Variants in GRIA4 observed in about 807,000 individuals in gnomAD.
GRIA4 encodes the protein glutamate receptor 4.
Under a neutral mutation model 104.0 loss-of-function variants are expected in GRIA4, and 34 were observed. The observed-to-expected ratio is 0.33, with a 90% CI of 0.25 to 0.44. The LOEUF (loss-of-function observed/expected upper bound fraction) is 0.44, where lower values mean the gene tolerates loss of function less well. GRIA4 is among the 20% of genes least tolerant of loss of function. The pLI, the probability that GRIA4 is intolerant of heterozygous loss-of-function variation, is 1.00. For synonymous variants in GRIA4, 386 were observed against 381.9 expected, an observed-to-expected ratio of 1.01 and a Z score of -0.13; for missense variants, 750 against 1,096.5, an observed-to-expected ratio of 0.68 and a Z score of 4.46.
At chr11:105,689,159 A>G (rs2135488867) in intron 3 of GRIA4, among the ~76,000 whole-genome samples, 1 of 152,332 alleles carries the variant, frequency 6.6e-6, no homozygotes, top group South Asian at 2.1e-4. Flanking sequence ...TAGTTTAGCA[A>G]TTATTCATGA....
intron 14 of GRIA4, among the ~76,000 whole-genome samples, chr11:105,938,943 G>A (rs529113103): frequency 6.6e-6 from 1 of 151,906 alleles, no homozygotes; most frequent in South Asian, 2.1e-4. Flanking sequence ...AACTTACCAG[G>A]GCCATTTTGA....
At chr11:105,891,648 C>T (rs561428991) in intron 6 of GRIA4, among the ~76,000 whole-genome samples, 31 of 152,274 alleles carry the variant, frequency 2.0e-4, no homozygotes, top group African/African-American at 6.3e-4. Context: ...GTTACAATTA[C>T]GTCTAGAAAG....
chr11:105,720,205 T>C (rs548945497), intron 3 of GRIA4, among the ~76,000 whole-genome samples: 1 of 152,092 alleles, frequency 6.6e-6, no homozygotes, highest in African/African-American at 2.4e-5. Context: ...TTTCATGTTT[T>C]TTTTCTGGCT....
At chr11:105,635,845 A>C (rs1317277401) in intron 3 of GRIA4, among the ~76,000 whole-genome samples, 1 of 152,216 alleles carries the variant, frequency 6.6e-6, no homozygotes, top group Non-Finnish European at 1.5e-5. Context: ...CATATATTTT[A>C]ACTGTTTTCT....
At chr11:105,824,606 A>T (rs1337364867) in intron 4 of GRIA4, 1 of 152,124 alleles carries the variant, frequency 6.6e-6, no homozygotes, top group Non-Finnish European at 1.5e-5. Context: ...CCTGGAGTTA[A>T]TAATTGCCTC....
intron 4 of GRIA4, among the ~76,000 whole-genome samples, chr11:105,812,977 T>A (rs1254021709): frequency 1.3e-5 from 2 of 150,898 alleles, no homozygotes; most frequent in Non-Finnish European, 2.9e-5. Context: ...GGTGGGCACC[T>A]GTAGTCCTCG....
intron 4 of GRIA4, among the ~76,000 whole-genome samples, chr11:105,776,840 G>T (rs1433436551): frequency 6.6e-6 from 1 of 152,150 alleles, no homozygotes; most frequent in Non-Finnish European, 1.5e-5. Flanking sequence ...GTAACATCAA[G>T]CACCACCAGT....
At chr11:105,864,216 T>C (rs1040455362) in intron 5 of GRIA4, among the ~76,000 whole-genome samples, 1 of 152,224 alleles carries the variant, frequency 6.6e-6, no homozygotes, top group Non-Finnish European at 1.5e-5. Context: ...GTTTTTATTC[T>C]GAACATGCTG....
chr11:105,656,904 C>A (rs1951861259), intron 3 of GRIA4, among the ~76,000 whole-genome samples: 1 of 151,910 alleles, frequency 6.6e-6, no homozygotes, highest in African/African-American at 2.4e-5. Context: ...AAAATATGTA[C>A]TTATTAATTC....
At chr11:105,803,527 T>A (rs1461374103) in intron 4 of GRIA4, among the ~76,000 whole-genome samples, 1 of 151,902 alleles carries the variant, frequency 6.6e-6, no homozygotes, top group Non-Finnish European at 1.5e-5. Flanking sequence ...GAAAATTACA[T>A]TACACTAAAA....
intron 3 of GRIA4, among the ~76,000 whole-genome samples, chr11:105,652,445 G>A (rs2135385811): frequency 6.6e-6 from 1 of 152,198 alleles, no homozygotes; most frequent in Middle Eastern, 3.4e-3. Flanking sequence ...AGTAAGATGA[G>A]GACACTCAAC....
chr11:105,662,027 A>C (rs200988541), intron 3 of GRIA4, among the ~76,000 whole-genome samples: 1 of 46,158 alleles, frequency 2.2e-5, no homozygotes, highest in Admixed American at 2.3e-4. Context: ...GTGTGTGTGC[A>C]CATCAAATGA....
At chr11:105,694,956 C>CA (rs747499685) in intron 3 of GRIA4, among the ~76,000 whole-genome samples, 1 of 152,178 alleles carries the variant, frequency 6.6e-6, no homozygotes, top group Middle Eastern at 3.4e-3. Flanking sequence ...TAATTGGTCA[C>CA]AAAAAATCTA....
chr11:105,925,776 T>C (rs1210548863), intron 12 of GRIA4, among the ~76,000 whole-genome samples: 1 of 152,114 alleles, frequency 6.6e-6, no homozygotes, highest in Non-Finnish European at 1.5e-5. Context: ...TCTTTTATAA[T>C]AGCAAGTATT....
intron 3 of GRIA4, among the ~76,000 whole-genome samples, chr11:105,622,958 G>A (rs1950788303): frequency 6.6e-6 from 1 of 150,828 alleles, no homozygotes; most frequent in Admixed American, 6.6e-5. Flanking sequence ...TTCTGTGTCT[G>A]ACTTGTTTCA....
chr11:105,668,087 T>A (rs1460517619), intron 3 of GRIA4, among the ~76,000 whole-genome samples: 1 of 151,268 alleles, frequency 6.6e-6, no homozygotes, highest in Admixed American at 6.6e-5. Flanking sequence ...ATAAGTGAGA[T>A]CATGCAGTAT....
intron 4 of GRIA4, among the ~76,000 whole-genome samples, chr11:105,827,870 T>C (rs2135923419): frequency 6.6e-6 from 1 of 152,186 alleles, no homozygotes; most frequent in Admixed American, 6.6e-5. Flanking sequence ...TTGCTTTTTA[T>C]GTATTCAAGG....
intron 3 of GRIA4, among the ~76,000 whole-genome samples, chr11:105,746,597 T>A (rs1347909622): frequency 6.6e-6 from 1 of 152,106 alleles, no homozygotes; most frequent in Admixed American, 6.6e-5. Flanking sequence ...GATAAAATTC[T>A]GACCTTAGAC....
chr11:105,888,004 TA>T (rs1157124201), intron 6 of GRIA4, among the ~76,000 whole-genome samples: 2 of 152,182 alleles, frequency 1.3e-5, no homozygotes, highest in African/African-American at 4.8e-5. Context: ...TCCAAATTTT[TA>T]AAAATTATGT....
Sources: allele counts gnomAD v4.1 joint callset (sites outside exome capture counted in the v4.1 genomes callset), GRCh38; gene constraint gnomAD v4.1.1; transcripts MANE v1.5; gene names NCBI Gene and HGNC (gene_info 2026-07-23, HGNC 2026-07-21).